Variants in MTUS2 observed in about 807,000 individuals in gnomAD.
The protein encoded by MTUS2 is microtubule-associated tumor suppressor candidate 2.
Under a neutral mutation model 114.1 loss-of-function variants are expected in MTUS2, and 40 were observed. The observed-to-expected ratio is 0.35, with a 90% CI of 0.27 to 0.46. The LOEUF (loss-of-function observed/expected upper bound fraction) is 0.46. Ranked by LOEUF, MTUS2 falls within the 20% of genes least tolerant of loss-of-function variation. The pLI, the probability that MTUS2 is intolerant of heterozygous loss-of-function variation, is 1.00. For missense variants in MTUS2, 1,679 were observed against 1,705.4 expected, an observed-to-expected ratio of 0.98 and a Z score of 0.27; for synonymous variants, 688 against 672.0, an observed-to-expected ratio of 1.02 and a Z score of -0.37.
chr13:29,240,475 T>G (rs1197716447), intron 5 of MTUS2, among the ~76,000 whole-genome samples: 1 of 152,234 alleles, frequency 6.6e-6, no homozygotes, highest in Admixed American at 6.5e-5. Flanking sequence ...AAATCGAATA[T>G]CTGATCCTTG....
chr13:29,134,447 G>A (rs1360940890), intron 5 of MTUS2, among the ~76,000 whole-genome samples: 1 of 152,084 alleles, frequency 6.6e-6, no homozygotes, highest in Non-Finnish European at 1.5e-5. Context: ...TTTCCTGTAG[G>A]TTATTAAGAA....
intron 5 of MTUS2, among the ~76,000 whole-genome samples, chr13:29,160,387 AG>A (rs1485032469): frequency 4.7e-4 from 71 of 152,392 alleles, no homozygotes; most frequent in African/African-American, 1.5e-3. Context: ...CATATAACAT[AG>A]AAAATACATG....
At chr13:29,000,185 G>T (rs541801770) in intron 2 of MTUS2, among the ~76,000 whole-genome samples, 1 of 152,254 alleles carries the variant, frequency 6.6e-6, no homozygotes, top group African/African-American at 2.4e-5. Flanking sequence ...AGTTTTTTGA[G>T]AAATCTCCAT....
intron 9 of MTUS2, among the ~76,000 whole-genome samples, chr13:29,469,846 TAAAA>T (rs542041385): frequency 0.02 from 2,941 of 148,598 alleles, 46 homozygotes; most frequent in Non-Finnish European, 0.032. Flanking sequence ...TTAGTTTTTT[TAAAA>T]AAAAAAGAAA....
At chr13:29,502,327 T>C (rs932184025) in intron 15 of MTUS2, among the ~76,000 whole-genome samples, 1 of 152,220 alleles carries the variant, frequency 6.6e-6, no homozygotes, top group Non-Finnish European at 1.5e-5. Flanking sequence ...AGCAAGCAAT[T>C]CGGATTCATT....
At chr13:29,488,437 C>CTT (rs35983023) in intron 11 of MTUS2, among the ~76,000 whole-genome samples, 324 of 113,734 alleles carry the variant, frequency 2.8e-3, no homozygotes, top group Non-Finnish European at 3.8e-3. Context: ...TTTTTTTCCT[C>CTT]TTTTTTTTTT....
intron 6 of MTUS2, among the ~76,000 whole-genome samples, chr13:29,311,571 C>A (rs532407007): frequency 6.6e-6 from 1 of 152,072 alleles, no homozygotes; most frequent in Non-Finnish European, 1.5e-5. Flanking sequence ...CTAATGAATA[C>A]GTGTCCTTTT....
intron 5 of MTUS2, among the ~76,000 whole-genome samples, chr13:29,257,042 C>T (rs73451236): frequency 0.023 from 3,540 of 152,238 alleles, 155 homozygotes; most frequent in African/African-American, 0.08. Context: ...TATTTGCTGT[C>T]GCCATCTCCC....
At chr13:29,331,902 A>C (rs577119765) in intron 7 of MTUS2, among the ~76,000 whole-genome samples, 9 of 152,282 alleles carry the variant, frequency 5.9e-5, no homozygotes, top group Middle Eastern at 3.4e-3. Context: ...CATCCTAGGG[A>C]TAAAGCCGAG....
chr13:29,230,860 A>C (rs1419202342), intron 5 of MTUS2, among the ~76,000 whole-genome samples: 1 of 152,228 alleles, frequency 6.6e-6, no homozygotes, highest in African/African-American at 2.4e-5. Context: ...ATCTATGCAG[A>C]AGAGTATTTA....
At chr13:29,410,813 TTTTGTTTGTTTG>T (rs58667275) in intron 8 of MTUS2, among the ~76,000 whole-genome samples, 7 of 150,504 alleles carry the variant, frequency 4.7e-5, no homozygotes, top group African/African-American at 7.3e-5. Context: ...ACACTATTGG[TTTTGTTTGTTTG>T]TTTGTTTGTT....
rs375779352 is a variant in MTUS2, at chr13:29,027,527, T to C, written c.2205+624T>C. Reference sequence around the variant, plus strand: ...AATTCCCTGAGGGTTGGTATTGCAGTTTTTTGTTTGTTTATGTTTTTTTTG... The same window carrying C: ...AATTCCCTGAGGGTTGGTATTGCAGCTTTTTGTTTGTTTATGTTTTTTTTG... On this transcript the variant is annotated intron_variant, in intron 3 of 15. Transcript: ENST00000612955. Among the ~76,000 whole-genome samples the C allele has an allele frequency of 3.9e-5, 6 of 152,238 alleles. No homozygotes were observed. The South Asian group carries it at 8.3e-4, about 21-fold the overall frequency.
At chr13:28,969,078 G>A (rs1593343129) in intron 2 of MTUS2, among the ~76,000 whole-genome samples, 1 of 152,064 alleles carries the variant, frequency 6.6e-6, no homozygotes, top group African/African-American at 2.4e-5. Context: ...ATCTTGCTCT[G>A]TTGGCCAGGT....
At chr13:28,985,310 A>G (rs538123015) in intron 2 of MTUS2, among the ~76,000 whole-genome samples, 64 of 152,214 alleles carry the variant, frequency 4.2e-4, no homozygotes, top group Non-Finnish European at 7.8e-4. Flanking sequence ...AAAGCAGAAC[A>G]CAAGGTAGTT....
At chr13:28,929,575 A>G (rs900971724) in intron 2 of MTUS2, among the ~76,000 whole-genome samples, 1 of 152,208 alleles carries the variant, frequency 6.6e-6, no homozygotes, top group Non-Finnish European at 1.5e-5. Context: ...GACTTCAAGC[A>G]GAGAGCCAGC....
At chr13:29,181,269 A>G (rs1021927933) in intron 5 of MTUS2, among the ~76,000 whole-genome samples, 1 of 152,184 alleles carries the variant, frequency 6.6e-6, no homozygotes, top group African/African-American at 2.4e-5. Context: ...CGATGTGCCT[A>G]TCATCTCTGA....
At chr13:29,154,503 T>A (rs993443539) in intron 5 of MTUS2, among the ~76,000 whole-genome samples, 1 of 152,158 alleles carries the variant, frequency 6.6e-6, no homozygotes, top group Non-Finnish European at 1.5e-5. Context: ...CACAACACAG[T>A]GTGTCGGGAA....
chr13:29,010,578 C>A (rs1216778125), intron 2 of MTUS2, among the ~76,000 whole-genome samples: 2 of 152,018 alleles, frequency 1.3e-5, no homozygotes, highest in African/African-American at 4.8e-5. Flanking sequence ...GTTGAGAAGG[C>A]CGCCACATGC....
chr13:29,322,261 A>G (rs1254319012), intron 6 of MTUS2, among the ~76,000 whole-genome samples: 4 of 152,230 alleles, frequency 2.6e-5, no homozygotes, highest in Non-Finnish European at 5.9e-5. Flanking sequence ...TTCCCTTCTC[A>G]GCTTTCAGGA....
Sources: gnomAD v4.1 joint callset for allele counts (sites outside exome capture counted in the v4.1 genomes callset) on GRCh38, gnomAD v4.1.1 for gene constraint, MANE v1.5 for transcripts, NCBI Gene and HGNC (gene_info 2026-07-23, HGNC 2026-07-21) for gene names.